Variants in ERICH1 observed in about 807,000 individuals in gnomAD.
ERICH1 encodes the protein glutamate-rich protein 1.
Under a neutral mutation model 39.6 loss-of-function variants are expected in ERICH1, and 56 were observed. That is an observed-to-expected ratio of 1.41 (90% CI 1.14 to 1.77). The LOEUF (loss-of-function observed/expected upper bound fraction) is 1.77, where lower values mean the gene tolerates loss of function less well. Among genes scored for constraint, ERICH1 ranks in the 40% most tolerant of loss-of-function variants. The pLI is 0.00. For synonymous variants in ERICH1, 313 were observed against 223.6 expected, an observed-to-expected ratio of 1.40 and a Z score of -3.57; for missense variants, 826 against 575.4, an observed-to-expected ratio of 1.44 and a Z score of -4.45.
In ERICH1 at chr8:731,000, TG is replaced by T. The variant is rs527281907; in HGVS notation, c.22+139del. 29 of 941,540 alleles carry T rather than the reference TG, an allele frequency of 3.1e-5. No homozygotes were observed. The African/African-American group carries it at 6.1e-4, about 20-fold the overall frequency. 58.3% of individuals were successfully genotyped at this position (941,540 alleles called of 1,614,324 possible). On this transcript the variant is annotated intron_variant, in intron 1 of 5. Transcript: ENST00000262109. ...GTAAGAGCGGGGGATGGGTAGGGAC[TG>T]GGGTGGAGGTGGGGAGTCGGTCTGG... is the stretch of plus-strand genomic sequence containing the variant.
rs1292595433 is a variant in ERICH1, at chr8:673,886, T to G, written c.466A>C (p.Thr156Pro). The change falls in exon 4 of 6, where the codon ACA (threonine) becomes CCA (proline). Residue 156 changes from threonine to proline, a missense_variant. Physicochemically the swap from Thr to Pro is conservative, Grantham distance 38 (BLOSUM62 -1). Coordinates refer to ENST00000262109, the MANE Select transcript of ERICH1 (RefSeq NM_207332.3). ...KSQRQHTDGT[T>P]ISKNKKRKLK... is the part of the protein sequence containing the mutation. ...TTCCTTTTTTTATTTTTGCTTATTG[T>G]GGTGCCATCTGTGTGCTGTCGCTGA... 6.2e-7 allele frequency: 1 copy of G among 1,613,684 alleles called. No individual in the cohort carries two copies. Among genetic ancestry groups the G allele is most frequent in the South Asian group, 1.1e-5 (1 of 91,060 alleles).
chr8:666,581 C>T (rs1186292563), intron 5 of ERICH1: 1 of 152,556 alleles, frequency 6.6e-6, no homozygotes, highest in Non-Finnish European at 1.5e-5. Flanking sequence ...CCTCCAGTGT[C>T]GTTTCTCATG....
At chr8:713,805 G>C (rs1477301132) in intron 2 of ERICH1, among the ~76,000 whole-genome samples, 2 of 152,184 alleles carry the variant, frequency 1.3e-5, no homozygotes, top group Non-Finnish European at 2.9e-5. Flanking sequence ...GAACACAAAT[G>C]CGTGGAGAAC....
intron 3 of ERICH1, among the ~76,000 whole-genome samples, chr8:688,500 AC>A (rs1167935512): frequency 3.3e-5 from 5 of 151,632 alleles, no homozygotes; most frequent in Non-Finnish European, 7.4e-5. Context: ...CTACAACGCC[AC>A]GGCCCTCCTG....
intron 3 of ERICH1, chr8:616,157 G>C (rs1453934670): frequency 1.1e-5 from 2 of 187,014 alleles, no homozygotes; most frequent in East Asian, 1.5e-4. Context: ...TTATTAATAA[G>C]TATATTAAAC....
At chr8:700,101 C>T (rs1811555804) in intron 2 of ERICH1, among the ~76,000 whole-genome samples, 1 of 138,544 alleles carries the variant, frequency 7.2e-6, no homozygotes, top group African/African-American at 2.7e-5. Context: ...GCGCACAGAC[C>T]CGCACACGCG....
intron 1 of ERICH1, among the ~76,000 whole-genome samples, chr8:719,792 A>G (rs1816868173): frequency 6.6e-6 from 1 of 152,130 alleles, no homozygotes; most frequent in Admixed American, 6.5e-5. Context: ...GGACTCGTAG[A>G]TGTTTCATTC....
At chr8:632,203 G>C (rs1422821668) in intron 3 of ERICH1, among the ~76,000 whole-genome samples, 2 of 152,124 alleles carry the variant, frequency 1.3e-5, no homozygotes, top group African/African-American at 4.8e-5. Flanking sequence ...GTAGTGATTT[G>C]TCCCGGGGTC....
intron 4 of ERICH1, among the ~76,000 whole-genome samples, chr8:670,943 G>T (rs1240703321): frequency 2.1e-5 from 3 of 142,950 alleles, no homozygotes; most frequent in African/African-American, 7.9e-5. Flanking sequence ...GGTCCCCCAG[G>T]CTCCAACCTC....
At chr8:633,866 A>G (rs578052059) in intron 3 of ERICH1, among the ~76,000 whole-genome samples, 70 of 152,356 alleles carry the variant, frequency 4.6e-4, no homozygotes, top group African/African-American at 1.7e-3. Context: ...CCCCTACTTT[A>G]CAGCTGACAA....
intron 2 of ERICH1, among the ~76,000 whole-genome samples, chr8:709,168 C>T (rs1563320797): frequency 6.6e-6 from 1 of 152,188 alleles, no homozygotes; most frequent in Non-Finnish European, 1.5e-5. Flanking sequence ...TATCTCTGCC[C>T]TTGTGACACG....
chr8:623,255 T>C (rs965766883), intron 3 of ERICH1, among the ~76,000 whole-genome samples: 2 of 152,188 alleles, frequency 1.3e-5, no homozygotes, highest in African/African-American at 4.8e-5. Flanking sequence ...CAACAATCAA[T>C]GTAATAGACA....
intron 4 of ERICH1, chr8:671,985 G>T: frequency 6.4e-6 from 1 of 156,906 alleles, no homozygotes; most frequent in Non-Finnish European, 1.4e-5. Flanking sequence ...GGCTCCACCA[G>T]GTCCTTTCCC....
intron 1 of ERICH1, among the ~76,000 whole-genome samples, chr8:717,661 C>T (rs534375978): frequency 3.9e-4 from 60 of 152,316 alleles, no homozygotes; most frequent in South Asian, 3.5e-3. Flanking sequence ...CATAACCAGC[C>T]GTCCAATTCT....
chr8:671,021 CG>C (rs1803203475), intron 4 of ERICH1, among the ~76,000 whole-genome samples: 2 of 150,702 alleles, frequency 1.3e-5, no homozygotes, highest in African/African-American at 4.9e-5. Context: ...CTGAACCTGC[CG>C]GCCCCTGCTC....
In ERICH1 at chr8:718,426, T is replaced by C. The variant is rs550684314; in HGVS notation, c.23-2419A>G. Among the ~76,000 whole-genome samples the C allele has an allele frequency of 3.9e-5, 6 of 152,324 alleles. No individual in the cohort carries two copies. In the South Asian group the frequency reaches 1.2e-3, roughly 32 times the overall value. ...ACTGAATTCCATCCACTGCCTGAAA[T>C]AAATTACATTTATAGCCTAATTAAC... is the stretch of plus-strand genomic sequence containing the variant. On this transcript the variant is annotated intron_variant, in intron 1 of 5. Coordinates refer to ENST00000262109, the MANE Select transcript of ERICH1 (RefSeq NM_207332.3).
At chr8:708,693 T>TTC in intron 2 of ERICH1, among the ~76,000 whole-genome samples, 1 of 126,994 alleles carries the variant, frequency 7.9e-6, no homozygotes, top group South Asian at 2.7e-4. Context: ...TTTTTTTTTT[T>TTC]TTTTTTTTTT....
chr8:673,422 C>T lies in ERICH1; in HGVS notation c.930G>A (p.Gly310=), dbSNP rs751259760. ...CCCCGGAGTCTGCACCCTCTTCCTC[C>T]CCAGCCCATGTCGGGTCTTCCTCGC... The part of the protein sequence containing the change: ...DASEEDPTWA[G]EEEGADSGEE... Residue 310 remains glycine (G), a synonymous_variant, in exon 4 of 6, where the codon GGG becomes GGA. Transcript: ENST00000262109. 3 of 1,613,798 alleles carry T rather than the reference C, an allele frequency of 1.9e-6. No homozygotes were observed. The highest frequency in any genetic ancestry group is 2.2e-5 in the South Asian group (2 of 91,048).
At chr8:620,328 A>C (rs1004832044) in intron 3 of ERICH1, among the ~76,000 whole-genome samples, 43 of 152,212 alleles carry the variant, frequency 2.8e-4, no homozygotes, top group African/African-American at 9.6e-4. Context: ...TAAATAAATC[A>C]ATAAAAAAGA....
Sources: gnomAD v4.1 joint callset for allele counts (sites outside exome capture counted in the v4.1 genomes callset) on GRCh38, gnomAD v4.1.1 for gene constraint, MANE v1.5 for transcripts, NCBI Gene and HGNC (gene_info 2026-07-23, HGNC 2026-07-21) for gene names.